GABRA2: variants seen among roughly 807,000 people sequenced by gnomAD.
GABRA2 encodes the protein gamma-aminobutyric acid receptor subunit alpha-2.
A neutral mutation model predicts 48.7 loss-of-function variants in GABRA2; 16 were observed. That is an observed-to-expected ratio of 0.33 (90% confidence interval 0.22 to 0.50). The LOEUF (loss-of-function observed/expected upper bound fraction) is 0.50, where lower values mean the gene tolerates loss of function less well. GABRA2 is among the 20% of genes least tolerant of loss of function. GABRA2 has a pLI of 0.98. For missense variants in GABRA2, 275 were observed against 535.6 expected, an observed-to-expected ratio of 0.51 and a Z score of 4.80; for synonymous variants, 185 against 184.5, an observed-to-expected ratio of 1.00 and a Z score of -0.02.
chr4:46,366,445 A>G (rs1714051665), intron 3 of GABRA2: 1 of 152,102 alleles, frequency 6.6e-6, no homozygotes, highest in Non-Finnish European at 1.5e-5. Flanking sequence ...GCATACATAT[A>G]CTCATTGATA....
intron 3 of GABRA2, among the ~76,000 whole-genome samples, chr4:46,383,063 T>G (rs191576284): frequency 3.2e-4 from 48 of 152,328 alleles, no homozygotes; most frequent in African/African-American, 1.1e-3. Context: ...AAATGTTGGA[T>G]GCAGAGGTAA....
intron 3 of GABRA2, among the ~76,000 whole-genome samples, chr4:46,377,668 C>T (rs76714498): frequency 0.24 from 33,017 of 140,168 alleles, 2,918 homozygotes; most frequent in East Asian, 0.46. Context: ...TCTGCCCGGC[C>T]GCCCCTACTG....
chr4:46,295,395 C>A (rs1394260901), intron 8 of GABRA2, among the ~76,000 whole-genome samples: 1 of 152,214 alleles, frequency 6.6e-6, no homozygotes, highest in East Asian at 1.9e-4. Context: ...TGTGGATGGA[C>A]CCCTCTGAGT....
At chr4:46,327,170 A>T (rs1426072104) in intron 4 of GABRA2, among the ~76,000 whole-genome samples, 1 of 151,900 alleles carries the variant, frequency 6.6e-6, no homozygotes, top group East Asian at 1.9e-4. Context: ...CCGCCTCTTC[A>T]CCAATCTTAT....
intron 7 of GABRA2, among the ~76,000 whole-genome samples, chr4:46,303,974 A>G (rs961997398): frequency 6.6e-6 from 1 of 152,180 alleles, no homozygotes; most frequent in Non-Finnish European, 1.5e-5. Flanking sequence ...ACATGCTCTA[A>G]TGAGCATCTC....
At chr4:46,318,166 A>G (rs1287490434) in intron 4 of GABRA2, among the ~76,000 whole-genome samples, 1 of 151,330 alleles carries the variant, frequency 6.6e-6, no homozygotes, top group Non-Finnish European at 1.5e-5. Flanking sequence ...ATAATAAACC[A>G]TTTAAACATT....
chr4:46,263,679 C>T (rs965715621), intron 8 of GABRA2, among the ~76,000 whole-genome samples: 7 of 151,964 alleles, frequency 4.6e-5, no homozygotes, highest in African/African-American at 1.7e-4. Flanking sequence ...CCTTCTTATT[C>T]TTATTCATCA....
chr4:46,271,087 C>A (rs537835263), intron 8 of GABRA2, among the ~76,000 whole-genome samples: 1 of 151,748 alleles, frequency 6.6e-6, no homozygotes, highest in South Asian at 2.1e-4. Flanking sequence ...TAAAATAAAA[C>A]CTTCCTATGT....
chr4:46,259,923 T>A (rs1462537050), intron 9 of GABRA2, among the ~76,000 whole-genome samples: 1 of 151,888 alleles, frequency 6.6e-6, no homozygotes, highest in Non-Finnish European at 1.5e-5. Context: ...TCCTTTTAGT[T>A]TTAAGGACAT....
At chr4:46,324,719 C>G (rs899975859) in intron 4 of GABRA2, among the ~76,000 whole-genome samples, 3 of 151,750 alleles carry the variant, frequency 2.0e-5, no homozygotes, top group African/African-American at 7.3e-5. Context: ...AACCCTCCCC[C>G]TCCCTCTCCA....
intron 3 of GABRA2, among the ~76,000 whole-genome samples, chr4:46,351,380 A>G (rs919145172): frequency 6.6e-6 from 1 of 151,992 alleles, no homozygotes; most frequent in African/African-American, 2.4e-5. Context: ...GTCCTTCAAA[A>G]TTGTTTTGGA....
At chr4:46,260,390 T>C (rs1577792327) in intron 9 of GABRA2, among the ~76,000 whole-genome samples, 1 of 151,962 alleles carries the variant, frequency 6.6e-6, no homozygotes, top group South Asian at 2.1e-4. Context: ...AGTAAGCTAT[T>C]GCTTTTATAG....
chr4:46,327,161 C>A (rs62304121), intron 4 of GABRA2, among the ~76,000 whole-genome samples: 1 of 151,770 alleles, frequency 6.6e-6, no homozygotes, highest in African/African-American at 2.4e-5. Context: ...TACCTTCCTC[C>A]GCCTCTTCAC....
chr4:46,254,403 G>A (rs145159719), intron 9 of GABRA2, among the ~76,000 whole-genome samples: 3 of 151,472 alleles, frequency 2.0e-5, no homozygotes, highest in East Asian at 3.9e-4. Context: ...ATTTTTTAAC[G>A]CTTATGTTCC....
chr4:46,276,955 A>T (rs1396935623), intron 8 of GABRA2, among the ~76,000 whole-genome samples: 1 of 152,150 alleles, frequency 6.6e-6, no homozygotes, highest in African/African-American at 2.4e-5. Context: ...TCCTTCTCTC[A>T]TGACTTAAAT....
intron 9 of GABRA2, among the ~76,000 whole-genome samples, chr4:46,259,385 G>C (rs1366246034): frequency 6.6e-6 from 1 of 151,810 alleles, no homozygotes; most frequent in South Asian, 2.1e-4. Context: ...GCTAAAAGTA[G>C]TGTAAAATCC....
intron 8 of GABRA2, among the ~76,000 whole-genome samples, chr4:46,263,411 G>A (rs1717447278): frequency 6.6e-6 from 1 of 151,936 alleles, no homozygotes; most frequent in Admixed American, 6.6e-5. Context: ...TTTGTGTGTG[G>A]TGTAAGGTAG....
chr4:46,385,443 ATTTAT>A (rs1304428283), intron 3 of GABRA2, among the ~76,000 whole-genome samples: 6 of 151,956 alleles, frequency 3.9e-5, no homozygotes, highest in African/African-American at 1.2e-4. Flanking sequence ...TTTTCTGAAT[ATTTAT>A]TTTATTTTTC....
chr4:46,281,538 T>C (rs372100415), intron 8 of GABRA2, among the ~76,000 whole-genome samples: 3 of 152,234 alleles, frequency 2.0e-5, no homozygotes, highest in African/African-American at 4.8e-5. Context: ...CTCCAAGACA[T>C]TGCATTTCTC....
Sources: allele counts gnomAD v4.1 joint callset (sites outside exome capture counted in the v4.1 genomes callset), GRCh38; gene constraint gnomAD v4.1.1; transcripts MANE v1.5; gene names NCBI Gene and HGNC (gene_info 2026-07-23, HGNC 2026-07-21).